Variants in RANBP10 observed in about 807,000 individuals in gnomAD.
RANBP10 encodes RAN binding protein 10.
In RANBP10, 24 loss-of-function variants were observed where a neutral mutation model predicts 72.8. That is an observed-to-expected ratio of 0.33 (90% CI 0.24 to 0.46). RANBP10 has a LOEUF of 0.46. Ranked by LOEUF, RANBP10 falls within the 20% of genes least tolerant of loss-of-function variation. RANBP10 has a pLI of 1.00. For synonymous variants in RANBP10, 310 were observed against 322.3 expected, an observed-to-expected ratio of 0.96 and a Z score of 0.41; for missense variants, 679 against 817.5, an observed-to-expected ratio of 0.83 and a Z score of 2.07.
chr16:67,765,579 G>A (rs1029852798), intron 3 of RANBP10, among the ~76,000 whole-genome samples: 1 of 152,146 alleles, frequency 6.6e-6, no homozygotes, highest in Non-Finnish European at 1.5e-5. Context: ...GCTCACGCCT[G>A]TAGTCCCAGC....
chr16:67,766,015 A>C (rs1463014308), intron 3 of RANBP10, among the ~76,000 whole-genome samples: 1 of 152,016 alleles, frequency 6.6e-6, no homozygotes, highest in African/African-American at 2.4e-5. Flanking sequence ...GTCTCAGATA[A>C]ATAAATAAAT....
At chr16:67,769,908 A>G (rs1347917212) in intron 3 of RANBP10, among the ~76,000 whole-genome samples, 1 of 152,090 alleles carries the variant, frequency 6.6e-6, no homozygotes, top group Non-Finnish European at 1.5e-5. Context: ...TCTACAAAAA[A>G]TGAAAAATTA....
intron 3 of RANBP10, among the ~76,000 whole-genome samples, chr16:67,747,241 A>G (rs2054100304): frequency 6.6e-6 from 1 of 152,004 alleles, no homozygotes; most frequent in South Asian, 2.1e-4. Flanking sequence ...AATGGTTTTA[A>G]TATCATTGTG....
chr16:67,734,664 G>A (rs1406051973), intron 6 of RANBP10, among the ~76,000 whole-genome samples, 194 bp downstream of exon 6: 2 of 152,334 alleles, frequency 1.3e-5, no homozygotes, highest in South Asian at 2.1e-4. Context: ...GGAGCAGCCC[G>A]GAGAACTCGG....
At chr16:67,728,868 T>G (rs2053664086) in intron 10 of RANBP10, among the ~76,000 whole-genome samples, 1 of 152,204 alleles carries the variant, frequency 6.6e-6, no homozygotes, top group South Asian at 2.1e-4. Context: ...CAAACTCAGG[T>G]CAGCCTTGAG....
At position 67,740,098 on chromosome 16, in the gene RANBP10, CTT is replaced by C. The variant is rs892700613; in HGVS notation, c.569-2065_569-2064del. 5.6e-3 allele frequency among the ~76,000 whole-genome samples: 730 copies of C among 131,212 alleles called. 5 individuals carry two copies. Among genetic ancestry groups the C allele is most frequent in the African/African-American group, 0.019 (677 of 35,448 alleles). 86.1% of individuals were successfully genotyped at this position (131,212 alleles called of 152,430 possible). On this transcript the variant is annotated intron_variant, in intron 4 of 13. Coordinates refer to ENST00000317506, the MANE Select transcript of RANBP10 (RefSeq NM_020850.3). ...GCAAGCTCCGCCTCCCAGGTTCACA[CTT>C]TTTTTTTTTTTTTTTTCCCTGAGAC...
At chr16:67,760,967 T>C (rs774765522) in intron 3 of RANBP10, among the ~76,000 whole-genome samples, 8 of 152,168 alleles carry the variant, frequency 5.3e-5, no homozygotes, top group Non-Finnish European at 1.0e-4. Flanking sequence ...TCAACAACCC[T>C]GACTTCGTCT....
intron 2 of RANBP10, among the ~76,000 whole-genome samples, chr16:67,789,823 G>A (rs1042830786): frequency 6.6e-6 from 1 of 151,766 alleles, no homozygotes; most frequent in Non-Finnish European, 1.5e-5. Flanking sequence ...AATGGACTGG[G>A]CGCAGTGGCT....
intron 2 of RANBP10, among the ~76,000 whole-genome samples, chr16:67,777,546 G>GA (rs370975609): frequency 2.0e-5 from 3 of 148,580 alleles, no homozygotes; most frequent in East Asian, 2.0e-4. Flanking sequence ...AAAACAAAAC[G>GA]AAAAAAAAAG....
intron 2 of RANBP10, among the ~76,000 whole-genome samples, chr16:67,782,318 G>T (rs562099481): frequency 6.6e-6 from 1 of 151,856 alleles, no homozygotes; most frequent in South Asian, 2.1e-4. Flanking sequence ...TTAGAGATGG[G>T]GATTTGCCCT....
chr16:67,795,595 C>T (rs1016990226), intron 2 of RANBP10, among the ~76,000 whole-genome samples: 5 of 151,782 alleles, frequency 3.3e-5, no homozygotes, highest in East Asian at 3.9e-4. Flanking sequence ...CGGCCGGGCG[C>T]GGTGGCTCAC....
chr16:67,779,777 G>A (rs1225197843), intron 2 of RANBP10, among the ~76,000 whole-genome samples: 1 of 152,204 alleles, frequency 6.6e-6, no homozygotes, highest in Non-Finnish European at 1.5e-5. Context: ...GTGGGGGCCT[G>A]GGCTCAATCC....
chr16:67,733,445 T>TGAA (rs2053774829), intron 6 of RANBP10, among the ~76,000 whole-genome samples: 1 of 152,182 alleles, frequency 6.6e-6, no homozygotes, highest in Non-Finnish European at 1.5e-5. Context: ...GAAAAAGTCT[T>TGAA]TATCTACAAG....
chr16:67,805,747 G>T lies in RANBP10; in HGVS notation c.236-208C>A, dbSNP rs563065528. The stretch of plus-strand genomic sequence containing the variant: ...TCCTGAGAACAGCAGTCCTGCCTGA[G>T]ACACTGCCCATACAAACAAAACAAG... On this transcript the variant is annotated intron_variant, in intron 1 of 13. Coordinates refer to ENST00000317506, the MANE Select transcript of RANBP10 (RefSeq NM_020850.3). Among the ~76,000 whole-genome samples, 39 of 152,334 alleles carry T rather than the reference G, an allele frequency of 2.6e-4. 1 individual carries two copies. The South Asian group carries it at 7.9e-3, about 31-fold the overall frequency.
chr16:67,798,478 G>GCT (rs2055173776), intron 2 of RANBP10, among the ~76,000 whole-genome samples: 1 of 152,124 alleles, frequency 6.6e-6, no homozygotes, highest in Admixed American at 6.6e-5. Context: ...ATTAACAGTG[G>GCT]CTCTCTAGGT....
intron 3 of RANBP10, among the ~76,000 whole-genome samples, chr16:67,756,211 C>T (rs977338226): frequency 6.6e-6 from 1 of 152,248 alleles, no homozygotes; most frequent in African/African-American, 2.4e-5. Context: ...GTTCCAGCAG[C>T]CCACCCATGC....
intron 3 of RANBP10, among the ~76,000 whole-genome samples, chr16:67,755,059 C>T (rs567696629): frequency 2.0e-5 from 3 of 152,168 alleles, no homozygotes; most frequent in South Asian, 4.2e-4. Flanking sequence ...AGGGGAGCAC[C>T]AAGCAGGTAC....
chr16:67,730,548 G>A lies in RANBP10; in HGVS notation c.890-502C>T, dbSNP rs1197398683. 6.6e-6 allele frequency among the ~76,000 whole-genome samples: 1 copy of A among 152,212 alleles called. No individual in the cohort carries two copies. The highest frequency in any genetic ancestry group is 1.5e-5 in the Non-Finnish European group (1 of 68,028). The stretch of plus-strand genomic sequence containing the variant: ...TGCAGCATGCCCCCTGCTGGGAGAG[G>A]AGGCCATCCTCCTCATGCTGGCACC... On this transcript the variant is annotated intron_variant, in intron 7 of 13. Coordinates refer to ENST00000317506, the MANE Select transcript of RANBP10 (RefSeq NM_020850.3). This position sits in a 1 kb window ranked among gnomAD's most constrained non-coding sequence, Gnocchi z 4.3.
At chr16:67,728,306 C>A in intron 11 of RANBP10, 84 bp downstream of exon 11, 1 of 1,475,266 alleles carries the variant, frequency 6.8e-7, no homozygotes, top group Non-Finnish European at 9.3e-7. Flanking sequence ...CCAAAGCCTG[C>A]CTACCCCAGC....
Sources: allele counts gnomAD v4.1 joint callset (sites outside exome capture counted in the v4.1 genomes callset), GRCh38; gene constraint gnomAD v4.1.1; non-coding constraint Gnocchi (gnomAD v3.1); transcripts MANE v1.5; gene names NCBI Gene and HGNC (gene_info 2026-07-23, HGNC 2026-07-21).